BBOF1: variants seen among roughly 807,000 people sequenced by gnomAD.
BBOF1 encodes basal body orientation factor 1.
In BBOF1, 62 loss-of-function variants were observed where a neutral mutation model predicts 68.0. That is an observed-to-expected ratio of 0.91 (90% CI 0.74 to 1.13). The LOEUF (loss-of-function observed/expected upper bound fraction) is 1.13. BBOF1 is among the 50% of genes most tolerant of loss of function. The pLI, the probability that BBOF1 is intolerant of heterozygous loss-of-function variation, is 0.00. For synonymous variants in BBOF1, 208 were observed against 198.8 expected (o/e 1.05, Z -0.39); for missense variants, 534 against 600.1 (o/e 0.89, Z 1.15).
At chr14:74,044,566 A>C (rs2059906242) in intron 5 of BBOF1, among the ~76,000 whole-genome samples, 1 of 150,970 alleles carries the variant, frequency 6.6e-6, no homozygotes, top group South Asian at 2.1e-4. Context: ...AGTCTCATAC[A>C]ATCCTCCTGG....
chr14:74,031,119 C>CT (rs71860688), intron 3 of BBOF1, among the ~76,000 whole-genome samples: 152 of 143,446 alleles, frequency 1.1e-3, no homozygotes, highest in South Asian at 2.2e-3. Flanking sequence ...CTTTTCTTTT[C>CT]TTTTTTTTTT....
chr14:74,050,784 C>A (rs1214327570), intron 8 of BBOF1, among the ~76,000 whole-genome samples: 1 of 151,984 alleles, frequency 6.6e-6, no homozygotes, highest in East Asian at 1.9e-4. Flanking sequence ...AATATCTATC[C>A]AACCATATAA....
chr14:74,050,098 T>C lies in BBOF1; in HGVS notation c.1189T>C (p.Cys397Arg). The C allele has an allele frequency of 6.2e-7, 1 of 1,613,642 alleles. No individual in the cohort carries two copies. The highest frequency in any genetic ancestry group is 8.5e-7 in the Non-Finnish European group (1 of 1,179,758). ...AAFNLKMRAA[C>R]TGRTEYPKIR... ...TTTCAATTTAAAAATGAGAGCAGCATGTACAGGAAGAACAGAATATCCCAA... is the reference window on the plus strand; with the variant it reads ...TTTCAATTTAAAAATGAGAGCAGCACGTACAGGAAGAACAGAATATCCCAA... Residue 397 changes from cysteine to arginine, a missense_variant, in exon 8 of 12, where the codon TGT becomes CGT. By Grantham distance (180) the Cys-to-Arg change is radical. Coordinates refer to ENST00000394009, the MANE Select transcript of BBOF1 (RefSeq NM_025057.3).
At chr14:74,021,080 A>T (rs1171103766) in intron 1 of BBOF1, among the ~76,000 whole-genome samples, 2 of 152,216 alleles carry the variant, frequency 1.3e-5, no homozygotes, top group Non-Finnish European at 2.9e-5. Flanking sequence ...CCACATGTAC[A>T]TATGTGTGAA....
chr14:74,040,413 C>T (rs1475565154), intron 4 of BBOF1, among the ~76,000 whole-genome samples, 152 bp from the exon 5 acceptor site: 1 of 152,066 alleles, frequency 6.6e-6, no homozygotes, highest in African/African-American at 2.4e-5. Context: ...ATTTGGTACT[C>T]GGAGGCAGGA....
At chr14:74,075,217 CT>C (rs2060599344) in intron 9 of BBOF1, among the ~76,000 whole-genome samples, 2 of 152,144 alleles carry the variant, frequency 1.3e-5, no homozygotes, top group East Asian at 3.9e-4. Context: ...TAATCATGTC[CT>C]ATATTTCCAG....
chr14:74,026,153 AAGAG>A (rs1395442326), intron 2 of BBOF1, among the ~76,000 whole-genome samples: 10 of 143,366 alleles, frequency 7.0e-5, no homozygotes, highest in African/African-American at 2.3e-4. Flanking sequence ...AAAAAAAAAA[AAGAG>A]AGAGACTGGG....
rs139735554 is a variant in BBOF1 at position 74,059,626 on chromosome 14, C to T, written c.1578+2368C>T. ...AGGAGAATCGCTTGAACCTGGGAGG[C>T]GGAGGTTGCGGTGAGCTGAGATCAC... On this transcript the variant is annotated intron_variant, in intron 11 of 11. Coordinates refer to ENST00000394009, the MANE Select transcript of BBOF1 (RefSeq NM_025057.3). The T allele has an allele frequency of 6.9e-3, 1,628 of 235,386 alleles. 33 individuals carry two copies. The highest frequency in any genetic ancestry group is 0.035 in the African/African-American group (1,514 of 43,036). 14.6% of individuals were successfully genotyped at this position (235,386 alleles called of 1,614,324 possible). A position where few individuals can be genotyped will look rare whatever the true frequency, so the allele number is the denominator to read the frequency against.
At chr14:74,060,454 A>G in intron 11 of BBOF1, 1 of 607,274 alleles carries the variant, frequency 1.6e-6, no homozygotes, top group Non-Finnish European at 3.0e-6. Flanking sequence ...CAAGTGAGAA[A>G]TCTGGTTTCA....
intron 4 of BBOF1, among the ~76,000 whole-genome samples, chr14:74,037,218 C>G (rs1275779317): frequency 6.7e-6 from 1 of 150,002 alleles, no homozygotes; most frequent in Admixed American, 6.6e-5. Context: ...CATGATCTGC[C>G]CACCTCGGCC....
intron 9 of BBOF1, chr14:74,078,094 T>C (rs2060632880): frequency 4.7e-6 from 2 of 425,582 alleles, no homozygotes; most frequent in African/African-American, 2.1e-5. Flanking sequence ...ACACTTATTG[T>C]TTATTTTCAC....
chr14:74,074,921 C>T lies in BBOF1; in HGVS notation n.1380-3275C>T, dbSNP rs770116155. ...TACCCAAAACTATACTGAATTCCTTCTCAGAAGTCAACCTCTATGCCAAAT... is the reference window on the plus strand; with the variant it reads ...TACCCAAAACTATACTGAATTCCTTTTCAGAAGTCAACCTCTATGCCAAAT... On this transcript the variant is annotated intron_variant and non_coding_transcript_variant, in intron 9 of 12. Transcript: ENST00000492026. The T allele has an allele frequency of 3.7e-5, 59 of 1,602,244 alleles. No individual in the cohort carries two copies. The Middle Eastern group carries it at 1.3e-3, about 36-fold the overall frequency.
chr14:74,080,974 C>T (rs2060663027), intron 10 of BBOF1: 1 of 152,280 alleles, frequency 6.6e-6, no homozygotes, highest in Non-Finnish European at 1.5e-5. Context: ...TGCAATTTAA[C>T]GTGTGTCTTG....
chr14:74,076,797 G>A (rs1377567311), intron 9 of BBOF1, among the ~76,000 whole-genome samples: 2 of 152,056 alleles, frequency 1.3e-5, no homozygotes, highest in Non-Finnish European at 2.9e-5. Context: ...TGATCCACCC[G>A]CCTCAGCCTC....
rs2060434920 is a variant in BBOF1, at chr14:74,064,916, C to T, written c.*217C>T. 6.2e-7 allele frequency: 1 copy of T among 1,613,004 alleles called. No individual in the cohort carries two copies. Among genetic ancestry groups the T allele is most frequent in the Non-Finnish European group, 8.5e-7 (1 of 1,179,396 alleles). Reference sequence around the variant, plus strand: ...AGGCACTGGAATGGGGACATTCACTCCCACCTAAAACAGAACAAATCCGTG... The same window carrying T: ...AGGCACTGGAATGGGGACATTCACTTCCACCTAAAACAGAACAAATCCGTG... On this transcript the variant is annotated 3_prime_UTR_variant, in exon 12 of 12. Coordinates refer to ENST00000394009, the MANE Select transcript of BBOF1 (RefSeq NM_025057.3).
At chr14:74,063,626 G>A (rs1303551954) in intron 11 of BBOF1, among the ~76,000 whole-genome samples, 2 of 151,858 alleles carry the variant, frequency 1.3e-5, no homozygotes, top group Non-Finnish European at 1.5e-5. Flanking sequence ...AGCACTTTAG[G>A]AGGCTGAGGC....
chr14:74,076,948 CTAA>C (rs2060619574), intron 9 of BBOF1, among the ~76,000 whole-genome samples: 2 of 152,310 alleles, frequency 1.3e-5, no homozygotes, highest in South Asian at 4.1e-4. Flanking sequence ...AAGCTGCAAT[CTAA>C]TAATCTTTTA....
At chr14:74,020,731 T>C (rs2140928714) in intron 1 of BBOF1, among the ~76,000 whole-genome samples, 1 of 152,262 alleles carries the variant, frequency 6.6e-6, no homozygotes, top group Non-Finnish European at 1.5e-5. Context: ...CTCGAACTCC[T>C]GACTTCAGGT....
intron 8 of BBOF1, among the ~76,000 whole-genome samples, chr14:74,051,619 C>G (rs2060069806): frequency 6.6e-6 from 1 of 151,766 alleles, no homozygotes; most frequent in African/African-American, 2.4e-5. Flanking sequence ...CTATATATTA[C>G]ATAATGATTA....
Sources: gnomAD v4.1 joint callset for allele counts (sites outside exome capture counted in the v4.1 genomes callset) on GRCh38, gnomAD v4.1.1 for gene constraint, MANE v1.5 for transcripts, NCBI Gene and HGNC (gene_info 2026-07-23, HGNC 2026-07-21) for gene names.